The following ADGRL3 variants were observed in gnomAD, a reference collection of about 807,000 sequenced individuals.
ADGRL3 encodes the protein adhesion G protein-coupled receptor L3.
A neutral mutation model predicts 153.5 loss-of-function variants in ADGRL3; 62 were observed. The ratio of observed to expected loss-of-function variants is 0.40; its 90% CI spans 0.33 to 0.50. The LOEUF is 0.50. Among genes scored for constraint, ADGRL3 ranks in the 20% least tolerant of loss-of-function variants. The pLI is 0.47. For missense variants in ADGRL3, 1,641 were observed against 1,859.4 expected (o/e 0.88, Z 2.16); for synonymous variants, 710 against 672.5 (o/e 1.06, Z -0.86).
At position 61,216,820 on chromosome 4, in the gene ADGRL3, A is replaced by C. The variant is rs535841693; in HGVS notation, c.-240+15055A>C. ...CATTTCTTCATGTGTTGAAAAGGATAAAAATAATACCTACCTTTCAGAGTT... is the reference window on the plus strand; with the variant it reads ...CATTTCTTCATGTGTTGAAAAGGATCAAAATAATACCTACCTTTCAGAGTT... On this transcript the variant is annotated intron_variant, in intron 1 of 26. Transcript: ENST00000683033. 2.4e-4 allele frequency among the ~76,000 whole-genome samples: 36 copies of C among 152,340 alleles called. No individual in the cohort carries two copies. The South Asian group carries it at 3.1e-3, about 13-fold the overall frequency.
chr4:61,204,434 C>T lies in ADGRL3; in HGVS notation c.-240+2669C>T, dbSNP rs1019897974. 1.2e-4 allele frequency among the ~76,000 whole-genome samples: 18 copies of T among 152,326 alleles called. 1 individual carries two copies. Among genetic ancestry groups the T allele is most frequent in the African/African-American group, 3.8e-4 (16 of 41,574 alleles). ...TACTTGTCCTCCCATTTTCCAAGAT[C>T]TAATCACAATGATTCCCAGTCCTTA... On this transcript the variant is annotated intron_variant, in intron 1 of 26. Coordinates refer to ENST00000683033, the MANE Select transcript of ADGRL3 (RefSeq NM_001387552.1).
intron 1 of ADGRL3, among the ~76,000 whole-genome samples, chr4:61,323,076 C>G (rs529652728): frequency 6.6e-6 from 1 of 152,326 alleles, no homozygotes; most frequent in East Asian, 1.9e-4. Context: ...CAGTCATAGG[C>G]TTAACACCAC....
intron 2 of ADGRL3, among the ~76,000 whole-genome samples, chr4:61,395,758 A>G (rs2096861314): frequency 6.6e-6 from 1 of 152,050 alleles, no homozygotes; most frequent in Non-Finnish European, 1.5e-5. Flanking sequence ...AATATATCAG[A>G]AAATGATAAG....
At chr4:61,688,310 C>T (rs1002649273) in intron 6 of ADGRL3, among the ~76,000 whole-genome samples, 2 of 151,958 alleles carry the variant, frequency 1.3e-5, no homozygotes, top group Non-Finnish European at 2.9e-5. Context: ...CCTGTCTTTG[C>T]CTTACTGATT....
chr4:62,033,303 A>T (rs527488868), intron 23 of ADGRL3, among the ~76,000 whole-genome samples: 1 of 151,744 alleles, frequency 6.6e-6, no homozygotes, highest in East Asian at 1.9e-4. Flanking sequence ...TACCACCTAA[A>T]CTGCAAGGGA....
At chr4:61,786,556 C>G (rs1455738048) in intron 8 of ADGRL3, among the ~76,000 whole-genome samples, 6 of 152,144 alleles carry the variant, frequency 3.9e-5, no homozygotes, top group African/African-American at 1.4e-4. Flanking sequence ...GCAAGGCACC[C>G]TTAGCTGCTA....
At chr4:61,769,991 A>C (rs1414654501) in intron 8 of ADGRL3, among the ~76,000 whole-genome samples, 2 of 152,146 alleles carry the variant, frequency 1.3e-5, no homozygotes, top group African/African-American at 4.8e-5. Context: ...GTCACAGGGG[A>C]TACGATGGCT....
At chr4:61,668,513 T>C (rs958093485) in intron 5 of ADGRL3, among the ~76,000 whole-genome samples, 1 of 152,210 alleles carries the variant, frequency 6.6e-6, no homozygotes, top group Non-Finnish European at 1.5e-5. Flanking sequence ...ATCTCTTTGG[T>C]TATATTGTCA....
intron 12 of ADGRL3, 107 bp from the exon 13 acceptor site, chr4:61,912,611 CA>C: frequency 3.1e-6 from 3 of 953,328 alleles, no homozygotes; most frequent in Non-Finnish European, 3.2e-6. Flanking sequence ...TAGTGAATGA[CA>C]AAATAAGGTG....
intron 1 of ADGRL3, among the ~76,000 whole-genome samples, chr4:61,290,523 A>G (rs2094134203): frequency 6.6e-6 from 1 of 152,020 alleles, no homozygotes; most frequent in Non-Finnish European, 1.5e-5. Flanking sequence ...TTATGCCTGT[A>G]ATCTCAGCAC....
chr4:61,747,825 C>G (rs1447898194), intron 8 of ADGRL3, among the ~76,000 whole-genome samples: 2 of 151,772 alleles, frequency 1.3e-5, no homozygotes, highest in East Asian at 3.9e-4. Context: ...TCTCACCACT[C>G]CTACTCAACA....
chr4:61,464,960 A>G (rs1560679739), intron 2 of ADGRL3, among the ~76,000 whole-genome samples: 1 of 152,146 alleles, frequency 6.6e-6, no homozygotes, highest in Admixed American at 6.6e-5. Context: ...CTGAATCTCA[A>G]ACTGAACCAA....
At chr4:62,014,596 A>C (rs1048966203) in intron 21 of ADGRL3, among the ~76,000 whole-genome samples, 34 of 152,312 alleles carry the variant, frequency 2.2e-4, no homozygotes, top group Admixed American at 1.4e-3. Context: ...GAAAAGCCCC[A>C]TAGATGGGTG....
intron 25 of ADGRL3, among the ~76,000 whole-genome samples, chr4:62,065,895 A>T (rs1278139201): frequency 1.3e-5 from 2 of 151,996 alleles, no homozygotes; most frequent in Non-Finnish European, 2.9e-5. Context: ...ACAAATTTTT[A>T]TTCTTGGGAT....
chr4:61,225,137 A>G (rs1281957127), intron 1 of ADGRL3, among the ~76,000 whole-genome samples: 2 of 152,216 alleles, frequency 1.3e-5, no homozygotes, highest in African/African-American at 4.8e-5. Flanking sequence ...TCTGATTATA[A>G]TTCAACCCTG....
At chr4:61,996,174 T>A (rs1473308549) in intron 19 of ADGRL3, 117 bp from the exon 20 acceptor site, 1 of 671,544 alleles carries the variant, frequency 1.5e-6, no homozygotes, top group East Asian at 2.6e-5. Flanking sequence ...ATGTAATATT[T>A]CCTGTCTCCC....
chr4:61,662,163 C>T (rs889034815), intron 5 of ADGRL3, among the ~76,000 whole-genome samples: 3 of 152,202 alleles, frequency 2.0e-5, no homozygotes, highest in Non-Finnish European at 2.9e-5. Context: ...ACAGGAGCCT[C>T]GTGCTCCCTG....
At position 61,579,685 on chromosome 4, in the gene ADGRL3, C is replaced by T. The variant is rs2098915374; in HGVS notation, c.260-7542C>T. 4 of 449,302 alleles carry T rather than the reference C, an allele frequency of 8.9e-6. No individual in the cohort carries two copies. The Admixed American group carries it at 1.1e-4, about 12-fold the overall frequency. The allele number at this position is 449,302 out of a possible 1,614,324, so 27.8% of individuals were successfully genotyped here. A position where few individuals can be genotyped will look rare whatever the true frequency, so the allele number is the denominator to read the frequency against. ...TCATTAGAATTTTTTTCTATAAGTTCAGAAATTGTATATTAAAACATCTGA... is the reference window on the plus strand; with the variant it reads ...TCATTAGAATTTTTTTCTATAAGTTTAGAAATTGTATATTAAAACATCTGA... On this transcript the variant is annotated intron_variant, in intron 4 of 26. Transcript: ENST00000683033.
At chr4:62,006,228 G>T (rs1423085609) in intron 21 of ADGRL3, among the ~76,000 whole-genome samples, 2 of 151,292 alleles carry the variant, frequency 1.3e-5, no homozygotes, top group African/African-American at 2.4e-5. Context: ...TAGAGATGGG[G>T]TTTCACCAAG....
Sources: allele counts gnomAD v4.1 joint callset (sites outside exome capture counted in the v4.1 genomes callset), GRCh38; gene constraint gnomAD v4.1.1; transcripts MANE v1.5; gene names NCBI Gene and HGNC (gene_info 2026-07-23, HGNC 2026-07-21).